PEBP4: variants seen among roughly 807,000 people sequenced by gnomAD.
PEBP4 encodes the protein phosphatidylethanolamine-binding protein 4.
In PEBP4, 22 loss-of-function variants were observed where a neutral mutation model predicts 23.9. The observed-to-expected ratio is 0.92, with a 90% CI of 0.66 to 1.31. The LOEUF is 1.31. PEBP4 is among the 40% of genes most tolerant of loss of function. The pLI, the probability that PEBP4 is intolerant of heterozygous loss-of-function variation, is 0.00. For missense variants in PEBP4, 324 were observed against 281.7 expected, an observed-to-expected ratio of 1.15 and a Z score of -1.07; for synonymous variants, 112 against 99.3, an observed-to-expected ratio of 1.13 and a Z score of -0.76.
Position 22,755,127 on chromosome 8 carries a change from C to T in PEBP4, c.358-27907G>A, listed in dbSNP as rs918209237. On this transcript the variant is annotated intron_variant, in intron 4 of 6. Transcript: ENST00000256404. ...CTCCTGAGTTCACCTGCTGCTATAA[C>T]GGTGACTCTTCTTGGATGATTTAGT... Among the ~76,000 whole-genome samples the T allele has an allele frequency of 2.6e-5, 4 of 152,298 alleles. No individual in the cohort carries two copies. In the East Asian group the frequency reaches 7.7e-4, roughly 29 times the overall value.
chr8:22,920,338 G>C (rs758326147), intron 2 of PEBP4, 28 bp from the exon 3 acceptor site: 1 of 1,597,804 alleles, frequency 6.3e-7, no homozygotes, highest in East Asian at 2.3e-5. Flanking sequence ...AGGTTGCCCT[G>C]TGTCAGGGTT....
At chr8:22,773,896 G>C (rs1451679960) in intron 4 of PEBP4, among the ~76,000 whole-genome samples, 1 of 152,156 alleles carries the variant, frequency 6.6e-6, no homozygotes, top group East Asian at 1.9e-4. Context: ...AGGACGATGG[G>C]AGAGTTGGGA....
chr8:22,874,555 C>T (rs1178554706), intron 3 of PEBP4, among the ~76,000 whole-genome samples: 5 of 152,058 alleles, frequency 3.3e-5, no homozygotes, highest in African/African-American at 7.3e-5. Context: ...ACCCCCCTTT[C>T]GTATTTCTAC....
In PEBP4 at chr8:22,778,993, G is replaced by A. The variant is rs768515909; in HGVS notation, c.357+38644C>T. 2.6e-5 allele frequency among the ~76,000 whole-genome samples: 4 copies of A among 151,804 alleles called. No individual in the cohort carries two copies. The East Asian group carries it at 7.8e-4, about 30-fold the overall frequency. On this transcript the variant is annotated intron_variant, in intron 4 of 6. Coordinates refer to ENST00000256404, the MANE Select transcript of PEBP4 (RefSeq NM_144962.3). ...GCCTGTCTGCCTGCGTGGGGGGCAC[G>A]GGCTGCATGGGAGGCGGTGACTAAT...
intron 4 of PEBP4, among the ~76,000 whole-genome samples, chr8:22,771,347 G>A (rs577309875): frequency 3.3e-5 from 5 of 152,226 alleles, no homozygotes; most frequent in Admixed American, 2.0e-4. Flanking sequence ...AAATTAGTCC[G>A]ACATGGTGGC....
chr8:22,751,211 A>G (rs892315764), intron 4 of PEBP4, among the ~76,000 whole-genome samples: 3 of 152,132 alleles, frequency 2.0e-5, no homozygotes, highest in African/African-American at 7.2e-5. Context: ...AAGGGTGACC[A>G]CTCGGAACTA....
At chr8:22,880,492 G>T (rs549775250) in intron 3 of PEBP4, 4 of 152,216 alleles carry the variant, frequency 2.6e-5, no homozygotes, top group Admixed American at 6.5e-5. Flanking sequence ...CTTTACACTC[G>T]CATTGACTTC....
intron 4 of PEBP4, among the ~76,000 whole-genome samples, chr8:22,735,277 A>G (rs1804836031): frequency 6.6e-6 from 1 of 152,122 alleles, no homozygotes; most frequent in South Asian, 2.1e-4. Context: ...GAAGGAAGAG[A>G]TAACTGCTTG....
chr8:22,734,723 C>T (rs1005407161), intron 4 of PEBP4, among the ~76,000 whole-genome samples: 23 of 152,038 alleles, frequency 1.5e-4, no homozygotes, highest in African/African-American at 5.3e-4. Context: ...GATTTTGGGG[C>T]CTTGAGGGAT....
chr8:22,881,525 G>A (rs1808259093), intron 3 of PEBP4, among the ~76,000 whole-genome samples: 1 of 152,232 alleles, frequency 6.6e-6, no homozygotes, highest in African/African-American at 2.4e-5. Context: ...TGTCCCCAGT[G>A]CCTAGAGCCA....
chr8:22,926,159 G>A (rs1445264521), intron 2 of PEBP4, among the ~76,000 whole-genome samples: 1 of 150,940 alleles, frequency 6.6e-6, no homozygotes, highest in Non-Finnish European at 1.5e-5. Context: ...TTTATTTTTA[G>A]TAGAGACAGG....
intron 4 of PEBP4, among the ~76,000 whole-genome samples, chr8:22,747,969 C>T (rs898231774): frequency 6.6e-6 from 1 of 152,218 alleles, no homozygotes; most frequent in African/African-American, 2.4e-5. Flanking sequence ...AGGTTCGTCC[C>T]AGCCTGGGTG....
intron 3 of PEBP4, among the ~76,000 whole-genome samples, chr8:22,919,796 G>A (rs971775018): frequency 2.6e-5 from 4 of 152,120 alleles, no homozygotes; most frequent in Admixed American, 6.5e-5. Flanking sequence ...GGCACCCCGC[G>A]CCTTGAGAGA....
chr8:22,781,210 C>G (rs1441937395), intron 4 of PEBP4, among the ~76,000 whole-genome samples: 3 of 152,194 alleles, frequency 2.0e-5, no homozygotes, highest in African/African-American at 7.2e-5. Flanking sequence ...TCCTGCCCAC[C>G]ACGTTTGGAT....
chr8:22,777,856 G>A (rs529823509), intron 4 of PEBP4, among the ~76,000 whole-genome samples: 1 of 152,282 alleles, frequency 6.6e-6, no homozygotes, highest in South Asian at 2.1e-4. Context: ...GGAGAAGGCT[G>A]CTTTTCACTT....
chr8:22,749,775 C>T (rs1209306510), intron 4 of PEBP4, among the ~76,000 whole-genome samples: 1 of 147,180 alleles, frequency 6.8e-6, no homozygotes, highest in African/African-American at 2.5e-5. Flanking sequence ...GGATCTACAA[C>T]CCACCTCTCC....
chr8:22,792,553 C>T (rs78853633), intron 4 of PEBP4, among the ~76,000 whole-genome samples: 2,724 of 152,252 alleles, frequency 0.018, 37 homozygotes, highest in Non-Finnish European at 0.03. Context: ...CCAGTCATAA[C>T]CAAAGATGCC....
intron 3 of PEBP4, among the ~76,000 whole-genome samples, chr8:22,822,538 TTC>T (rs1176889336): frequency 1.3e-5 from 2 of 152,174 alleles, no homozygotes; most frequent in African/African-American, 4.8e-5. Context: ...CTTCTTCTTC[TTC>T]TTTTTATTTT....
At chr8:22,724,548 T>G (rs552446074) in intron 6 of PEBP4, among the ~76,000 whole-genome samples, 2 of 152,338 alleles carry the variant, frequency 1.3e-5, no homozygotes, top group South Asian at 4.1e-4. Context: ...AGTTTCGGGG[T>G]ACTCTTCTCC....
Sources: allele counts gnomAD v4.1 joint callset (sites outside exome capture counted in the v4.1 genomes callset), GRCh38; gene constraint gnomAD v4.1.1; transcripts MANE v1.5; gene names NCBI Gene and HGNC (gene_info 2026-07-23, HGNC 2026-07-21).